Variants in ERC2 observed in about 807,000 individuals in gnomAD.
ERC2 encodes the protein ERC protein 2.
In ERC2, 42 loss-of-function variants were observed where a neutral mutation model predicts 114.8. The observed-to-expected ratio is 0.37, with a 90% CI of 0.29 to 0.47. The LOEUF (loss-of-function observed/expected upper bound fraction) is 0.47, where lower values mean the gene tolerates loss of function less well. Ranked by LOEUF, ERC2 falls within the 20% of genes least tolerant of loss-of-function variation. The pLI is 0.99. For synonymous variants in ERC2, 454 were observed against 425.5 expected (o/e 1.07, Z -0.82); for missense variants, 939 against 1,150.7 (o/e 0.82, Z 2.66).
intron 17 of ERC2, among the ~76,000 whole-genome samples, chr3:55,640,422 C>T (rs2060128624): frequency 6.6e-6 from 1 of 152,230 alleles, no homozygotes; most frequent in African/African-American, 2.4e-5. Flanking sequence ...GCTTGATCTG[C>T]CCTAACTTGT....
chr3:56,018,789 G>A, intron 8 of ERC2, 105 bp downstream of exon 8: 1 of 1,291,566 alleles, frequency 7.7e-7, no homozygotes, highest in Non-Finnish European at 1.1e-6. Flanking sequence ...TAAAGGTAGT[G>A]TTAGCAAAAG....
chr3:55,571,515 A>G (rs2056712750), intron 17 of ERC2, among the ~76,000 whole-genome samples: 1 of 152,004 alleles, frequency 6.6e-6, no homozygotes, highest in African/African-American at 2.4e-5. Flanking sequence ...GAGGACAACA[A>G]CTACACCCCA....
chr3:55,648,473 A>G (rs762292260), intron 17 of ERC2, among the ~76,000 whole-genome samples: 2 of 152,204 alleles, frequency 1.3e-5, no homozygotes, highest in Non-Finnish European at 2.9e-5. Context: ...AGTGCTCAAT[A>G]AACAGCAGGC....
At chr3:56,220,588 C>A (rs546621423) in intron 3 of ERC2, among the ~76,000 whole-genome samples, 1 of 152,222 alleles carries the variant, frequency 6.6e-6, no homozygotes, top group African/African-American at 2.4e-5. Context: ...CTGTAGCTGG[C>A]GTGCCTGTCA....
chr3:56,390,050 G>A (rs767432288), intron 2 of ERC2, among the ~76,000 whole-genome samples: 5 of 151,902 alleles, frequency 3.3e-5, no homozygotes, highest in Admixed American at 6.6e-5. Flanking sequence ...ACCAGTGACG[G>A]CCAACAAAAT....
At chr3:56,088,992 C>A (rs2077647635) in intron 6 of ERC2, among the ~76,000 whole-genome samples, 1 of 152,084 alleles carries the variant, frequency 6.6e-6, no homozygotes, top group African/African-American at 2.4e-5. Context: ...GGAGAACCAG[C>A]AAATAAGGTT....
intron 12 of ERC2, among the ~76,000 whole-genome samples, chr3:55,977,941 A>C (rs1182985895): frequency 6.6e-6 from 1 of 152,192 alleles, no homozygotes; most frequent in East Asian, 1.9e-4. Context: ...AAAAAAAGCC[A>C]AGGTGTAGAA....
chr3:55,711,027 T>C (rs188331521), intron 15 of ERC2, among the ~76,000 whole-genome samples: 70 of 152,326 alleles, frequency 4.6e-4, no homozygotes, highest in Admixed American at 1.3e-3. Flanking sequence ...GAGTCCACCA[T>C]GTCCATGACC....
chr3:56,298,392 T>C (rs1207463785), intron 2 of ERC2, among the ~76,000 whole-genome samples: 1 of 152,218 alleles, frequency 6.6e-6, no homozygotes, highest in Non-Finnish European at 1.5e-5. Context: ...ATTTTATGTA[T>C]CCATTCATCA....
chr3:55,890,144 A>G (rs2063535957), intron 13 of ERC2, among the ~76,000 whole-genome samples: 1 of 152,216 alleles, frequency 6.6e-6, no homozygotes, highest in African/African-American at 2.4e-5. Flanking sequence ...AGTATTAATA[A>G]ACTTTTCAGT....
At chr3:56,235,750 A>T (rs2050901080) in intron 3 of ERC2, among the ~76,000 whole-genome samples, 1 of 152,238 alleles carries the variant, frequency 6.6e-6, no homozygotes, top group Non-Finnish European at 1.5e-5. Flanking sequence ...AATGTGAAAT[A>T]TAATTAAAAG....
At chr3:56,087,088 A>G (rs1039094709) in intron 6 of ERC2, among the ~76,000 whole-genome samples, 2 of 152,124 alleles carry the variant, frequency 1.3e-5, no homozygotes, top group African/African-American at 4.8e-5. Context: ...ATTTTTACAT[A>G]TGACTTAACC....
chr3:55,991,925 A>G (rs1252397549), intron 11 of ERC2, 132 bp downstream of exon 11: 2 of 764,538 alleles, frequency 2.6e-6, no homozygotes, highest in African/African-American at 1.7e-5. Flanking sequence ...TTCACAGGCC[A>G]TATTCCTCAT....
At chr3:56,311,236 T>TA (rs2056530012) in intron 2 of ERC2, among the ~76,000 whole-genome samples, 3 of 15,798 alleles carry the variant, frequency 1.9e-4, no homozygotes, top group South Asian at 2.2e-3. Context: ...TCATCTTCTC[T>TA]CTCTCTCTCT....
At chr3:55,652,418 G>A (rs1304787040) in intron 17 of ERC2, among the ~76,000 whole-genome samples, 2 of 152,160 alleles carry the variant, frequency 1.3e-5, no homozygotes, top group African/African-American at 4.8e-5. Flanking sequence ...GACATTTACA[G>A]ACCAGGTCCT....
chr3:56,335,792 C>T (rs918406345), intron 2 of ERC2, among the ~76,000 whole-genome samples: 2 of 152,158 alleles, frequency 1.3e-5, no homozygotes, highest in African/African-American at 4.8e-5. Flanking sequence ...TGTGTCTCTA[C>T]TCTGCTGTGA....
chr3:56,395,452 A>G (rs1234918323), intron 2 of ERC2, among the ~76,000 whole-genome samples: 1 of 152,096 alleles, frequency 6.6e-6, no homozygotes, highest in Non-Finnish European at 1.5e-5. Context: ...TCCAATTCTC[A>G]TGTTGAATTT....
intron 1 of ERC2, among the ~76,000 whole-genome samples, chr3:56,446,066 C>A (rs796116123): frequency 1.3e-4 from 20 of 152,272 alleles, no homozygotes; most frequent in African/African-American, 4.8e-4. Flanking sequence ...CCCTTCATAA[C>A]CCAACTGAGG....
Position 55,989,318 on chromosome 3 carries a change from A to T in ERC2, c.2255+2739T>A, listed in dbSNP as rs2070875228. ...ATATTCTTGATGATTTAAAGGCAAT[A>T]GTGTCCAGCTAAGACCTGTTTGTCC... On this transcript the variant is annotated intron_variant, in intron 11 of 17. Transcript: ENST00000288221. Among the ~76,000 whole-genome samples the T allele has an allele frequency of 2.6e-5, 4 of 152,272 alleles. No homozygotes were observed. In the South Asian group the frequency reaches 8.3e-4, roughly 31 times the overall value.
Sources: gnomAD v4.1 joint callset for allele counts (sites outside exome capture counted in the v4.1 genomes callset) on GRCh38, gnomAD v4.1.1 for gene constraint, MANE v1.5 for transcripts, NCBI Gene and HGNC (gene_info 2026-07-23, HGNC 2026-07-21) for gene names.